TRARG1: variants seen among roughly 807,000 people sequenced by gnomAD.
TRARG1 encodes trafficking regulator of GLUT4 (SLC2A4) 1 (gene/pseudogene), also known as trafficking regulator of GLUT4 1.
Under a neutral mutation model 13.3 loss-of-function variants are expected in TRARG1, and 16 were observed. The ratio of observed to expected loss-of-function variants is 1.20; its 90% confidence interval spans 0.81 to 1.83. The LOEUF (loss-of-function observed/expected upper bound fraction) is 1.83, where lower values mean the gene tolerates loss of function less well. Ranked by LOEUF, TRARG1 falls within the 40% of genes most tolerant of loss-of-function variation. The pLI is 0.00. For synonymous variants in TRARG1, 113 were observed against 106.2 expected (o/e 1.06, Z -0.39); for missense variants, 250 against 237.4 (o/e 1.05, Z -0.35).
Position 1,279,849 on chromosome 17 carries a change from C to T in TRARG1, c.-153C>T. ...GCTGGCTTGAGAAGCTCAGCCCAAC[C>T]CTTCCAGCACCCAGCCGGCCCTCCG... On this transcript the variant is annotated 5_prime_UTR_variant, in exon 1 of 3. Coordinates refer to ENST00000333813, the MANE Select transcript of TRARG1 (RefSeq NM_172367.3). The T allele has an allele frequency of 1.1e-6, 1 of 870,870 alleles. No homozygotes were observed. Among genetic ancestry groups the T allele is most frequent in the Non-Finnish European group, 1.7e-6 (1 of 592,624 alleles). The allele number at this position is 870,870 out of a possible 1,614,324, so 53.9% of individuals were successfully genotyped here. A position where few individuals can be genotyped will look rare whatever the true frequency, so the allele number is the denominator to read the frequency against.
chr17:1,295,671 AG>A (rs766168813), intron 2 of TRARG1, 48 bp downstream of exon 2: 1 of 1,580,494 alleles, frequency 6.3e-7, no homozygotes, highest in Non-Finnish European at 8.6e-7. Flanking sequence ...GCCTGGTGTG[AG>A]GACTGCTCAA....
Position 1,279,984 on chromosome 17 carries a change from CG to C in TRARG1, c.-17del. ...TTGTCCCAGCCTGGAGCTGCAGCCG[CG>C]CAAGGCCCAGGCCCCCATGGCCCAC... On this transcript the variant is annotated 5_prime_UTR_variant, in exon 1 of 3. Coordinates refer to ENST00000333813, the MANE Select transcript of TRARG1 (RefSeq NM_172367.3). 6.3e-7 allele frequency: 1 copy of C among 1,595,780 alleles called. No homozygotes were observed. The highest frequency in any genetic ancestry group is 8.5e-7 in the Non-Finnish European group (1 of 1,170,188).
rs866991865 is a variant in TRARG1, at chr17:1,299,405, C to T, written c.*1141C>T. The stretch of plus-strand genomic sequence containing the variant: ...GTCTGTTGTTTGACCGTCCTGAGAC[C>T]GAGGGAAGGGCTCAGCTGAAGGACC... On this transcript the variant is annotated 3_prime_UTR_variant, in exon 3 of 3. Transcript: ENST00000333813. The T allele has an allele frequency of 6.6e-6, 1 of 152,246 alleles. No homozygotes were observed. The highest frequency in any genetic ancestry group is 1.5e-5 in the Non-Finnish European group (1 of 68,100). 9.4% of individuals were successfully genotyped at this position (152,246 alleles called of 1,614,324 possible). A position where few individuals can be genotyped will look rare whatever the true frequency, so the allele number is the denominator to read the frequency against.
chr17:1,282,067 C>CACATATAT (rs1484999892), intron 1 of TRARG1, among the ~76,000 whole-genome samples: 4 of 150,020 alleles, frequency 2.7e-5, no homozygotes, highest in East Asian at 3.9e-4. Context: ...TACATGTATA[C>CACATATAT]ACATATATAC....
chr17:1,287,446 C>T (rs1343343550), intron 1 of TRARG1, among the ~76,000 whole-genome samples: 5 of 151,656 alleles, frequency 3.3e-5, no homozygotes, highest in East Asian at 1.9e-4. Context: ...CTGCAAGCTC[C>T]GCTTCCCAGG....
chr17:1,298,343 G>T lies in TRARG1; in HGVS notation c.*79G>T. 1 of 1,530,828 alleles carries T rather than the reference G, an allele frequency of 6.5e-7. No homozygotes were observed. 94.8% of individuals were successfully genotyped at this position (1,530,828 alleles called of 1,614,324 possible). On this transcript the variant is annotated 3_prime_UTR_variant, in exon 3 of 3. Coordinates refer to ENST00000333813, the MANE Select transcript of TRARG1 (RefSeq NM_172367.3). The stretch of plus-strand genomic sequence containing the variant: ...CTGACCTGCACACCGCGGGAGGCCA[G>T]GGTGCTGACTGTCAAGCATCCCCTG...
intron 1 of TRARG1, among the ~76,000 whole-genome samples, chr17:1,284,216 C>T (rs1304679051): frequency 6.6e-6 from 1 of 152,206 alleles, no homozygotes; most frequent in Non-Finnish European, 1.5e-5. Context: ...TGAGCAACCA[C>T]TCATCTCCTT....
At chr17:1,297,937 T>A (rs545819583) in intron 2 of TRARG1, among the ~76,000 whole-genome samples, 2 of 152,230 alleles carry the variant, frequency 1.3e-5, no homozygotes, top group South Asian at 4.1e-4. Flanking sequence ...GTCCAGTAAC[T>A]AAGCAGGGAA....
At chr17:1,292,415 A>G (rs2072075566) in intron 1 of TRARG1, among the ~76,000 whole-genome samples, 1 of 151,996 alleles carries the variant, frequency 6.6e-6, no homozygotes. Flanking sequence ...CACGTCCTAC[A>G]CTGGGCCCCG....
chr17:1,298,173 C>T, intron 2 of TRARG1, 78 bp from the exon 3 acceptor site: 2 of 1,594,364 alleles, frequency 1.3e-6, no homozygotes, highest in Non-Finnish European at 1.7e-6. Context: ...GAACCAGAAA[C>T]CCAAATCCTC....
At position 1,288,118 on chromosome 17, in the gene TRARG1, C is replaced by G. The variant is rs1289340068; in HGVS notation, c.388-7373C>G. ...CCTCTTTGCAGCTCTCTTCCTCTCC[C>G]GTCTGGAAGAAACCCCTTTTATCCA... On this transcript the variant is annotated intron_variant, in intron 1 of 2. Coordinates refer to ENST00000333813, the MANE Select transcript of TRARG1 (RefSeq NM_172367.3). 2.0e-5 allele frequency among the ~76,000 whole-genome samples: 3 copies of G among 152,102 alleles called. No homozygotes were observed. The South Asian group carries it at 6.2e-4, about 32-fold the overall frequency.
intron 1 of TRARG1, among the ~76,000 whole-genome samples, chr17:1,287,413 T>C (rs1009398947): frequency 1.1e-4 from 17 of 151,924 alleles, no homozygotes; most frequent in Non-Finnish European, 2.1e-4. Context: ...CAGTCTGGAG[T>C]GCAGTGGCAC....
At chr17:1,297,238 T>G (rs1310175261) in intron 2 of TRARG1, among the ~76,000 whole-genome samples, 1 of 152,074 alleles carries the variant, frequency 6.6e-6, no homozygotes, top group Non-Finnish European at 1.5e-5. Flanking sequence ...TGGACTTTAA[T>G]AAGACTCCCA....
At chr17:1,291,403 G>A (rs1418124400) in intron 1 of TRARG1, among the ~76,000 whole-genome samples, 4 of 152,194 alleles carry the variant, frequency 2.6e-5, no homozygotes, top group Non-Finnish European at 5.9e-5. Context: ...GAGCCACCGC[G>A]CCTACCAATC....
intron 2 of TRARG1, among the ~76,000 whole-genome samples, chr17:1,297,306 T>C (rs1475380071): frequency 1.3e-5 from 2 of 152,092 alleles, no homozygotes; most frequent in Non-Finnish European, 2.9e-5. Flanking sequence ...CAACTTGAGC[T>C]TGGGACCGAA....
intron 1 of TRARG1, among the ~76,000 whole-genome samples, chr17:1,288,266 C>A: frequency 6.9e-6 from 1 of 145,930 alleles, no homozygotes; most frequent in Non-Finnish European, 1.5e-5. Flanking sequence ...GCTCCTCATC[C>A]CCCTCCAGCT....
intron 1 of TRARG1, among the ~76,000 whole-genome samples, chr17:1,291,221 C>T (rs1402633921): frequency 2.0e-5 from 3 of 152,184 alleles, no homozygotes; most frequent in African/African-American, 7.2e-5. Flanking sequence ...AGTAATTCTC[C>T]TGCTTCAGCC....
intron 1 of TRARG1, among the ~76,000 whole-genome samples, chr17:1,288,223 C>T (rs1054506342): frequency 6.6e-6 from 1 of 151,850 alleles, no homozygotes; most frequent in Non-Finnish European, 1.5e-5. Context: ...GCTGTCTGAG[C>T]TTCATCCCCC....
At chr17:1,290,662 G>T (rs568270136) in intron 1 of TRARG1, among the ~76,000 whole-genome samples, 1 of 152,074 alleles carries the variant, frequency 6.6e-6, no homozygotes, top group Non-Finnish European at 1.5e-5. Context: ...CCACATCATG[G>T]TCTGTGCTCT....
Sources: allele counts gnomAD v4.1 joint callset (sites outside exome capture counted in the v4.1 genomes callset), GRCh38; gene constraint gnomAD v4.1.1; transcripts MANE v1.5; gene names NCBI Gene and HGNC (gene_info 2026-07-23, HGNC 2026-07-21).